Variants in TTC39A observed in about 807,000 individuals in gnomAD.
TTC39A encodes tetratricopeptide repeat protein 39A.
A neutral mutation model predicts 82.3 loss-of-function variants in TTC39A; 46 were observed. The ratio of observed to expected loss-of-function variants is 0.56; its 90% CI spans 0.44 to 0.71. The LOEUF is 0.71. Ranked by LOEUF, TTC39A falls within the 30% of genes least tolerant of loss-of-function variation. The pLI is 0.00. For missense variants in TTC39A, 543 were observed against 712.9 expected, an observed-to-expected ratio of 0.76 and a Z score of 2.71; for synonymous variants, 254 against 275.2, an observed-to-expected ratio of 0.92 and a Z score of 0.76.
At chr1:51,309,884 C>T (rs565576003) in intron 5 of TTC39A, among the ~76,000 whole-genome samples, 1 of 152,212 alleles carries the variant, frequency 6.6e-6, no homozygotes, top group African/African-American at 2.4e-5. Context: ...GTGAAGAAAG[C>T]AAGCAACATA....
chr1:51,322,784 C>T lies in TTC39A; in HGVS notation c.42-959G>A, dbSNP rs113233660. Among the ~76,000 whole-genome samples, 743 of 152,304 alleles carry T rather than the reference C, an allele frequency of 4.9e-3. 5 individuals carry two copies. Among genetic ancestry groups the T allele is most frequent in the African/African-American group, 0.016 (683 of 41,554 alleles). ...AGTGAAAGAATGTTCCAGAAAGAGG[C>T]TTGATACTCTCCCTGAAGGGAAATC... is the stretch of plus-strand genomic sequence containing the variant. On this transcript the variant is annotated intron_variant, in intron 1 of 17. Coordinates refer to ENST00000680483, the MANE Select transcript of TTC39A (RefSeq NM_001297663.2).
At chr1:51,331,408 T>C (rs1645908829), upstream of TTC39A, 1 of 1,454,834 alleles carries the variant, frequency 6.9e-7, no homozygotes, top group Non-Finnish European at 9.0e-7. Flanking sequence ...GATGCTGCTC[T>C]TAACCATGAC....
At chr1:51,314,763 A>G (rs186008786) in intron 2 of TTC39A, among the ~76,000 whole-genome samples, 21 of 152,314 alleles carry the variant, frequency 1.4e-4, no homozygotes, top group Admixed American at 1.4e-3. Flanking sequence ...CAGCTTTGCC[A>G]GCTACCAGCT....
intron 11 of TTC39A, chr1:51,301,968 G>A (rs1472936012): frequency 1.5e-6 from 1 of 652,034 alleles, no homozygotes; most frequent in African/African-American, 1.8e-5. Context: ...TAGGACTCTG[G>A]TTTTTAGTAA....
At chr1:51,340,241 G>A (rs1468453806) in intron 1 of TTC39A, among the ~76,000 whole-genome samples, 5 of 152,144 alleles carry the variant, frequency 3.3e-5, no homozygotes, top group Admixed American at 6.5e-5. Context: ...GTGCCTCAGC[G>A]ACCATTCCCC....
chr1:51,323,163 T>C (rs1645593234), intron 1 of TTC39A, among the ~76,000 whole-genome samples: 1 of 152,000 alleles, frequency 6.6e-6, no homozygotes, highest in Non-Finnish European at 1.5e-5. Flanking sequence ...GCAACACTCC[T>C]CTACCCAATT....
upstream of TTC39A, among the ~76,000 whole-genome samples, chr1:51,334,418 G>T (rs144484350): frequency 4.5e-3 from 682 of 152,160 alleles, 10 homozygotes; most frequent in African/African-American, 0.016. Flanking sequence ...CAGAAGAATC[G>T]CTTGAACCCG....
intron 6 of TTC39A, among the ~76,000 whole-genome samples, chr1:51,306,853 A>ACCCCCCCCCCCC (rs3068549): frequency 2.3e-3 from 137 of 60,174 alleles, no homozygotes; most frequent in Middle Eastern, 7.5e-3. Context: ...TAAGGGACAG[A>ACCCCCCCCCCCC]CCCCCCCCCC....
chr1:51,304,848 C>A (rs1272279630), intron 8 of TTC39A, among the ~76,000 whole-genome samples: 1 of 152,230 alleles, frequency 6.6e-6, no homozygotes, highest in Non-Finnish European at 1.5e-5. Context: ...TTCACACCCA[C>A]ACCCACCCAG....
chr1:51,312,734 T>A (rs1185361917), intron 3 of TTC39A, 78 bp downstream of exon 3: 5 of 1,559,142 alleles, frequency 3.2e-6, no homozygotes, highest in Non-Finnish European at 3.5e-6. Context: ...AATAGTGGCA[T>A]GTTAGGCCCT....
At chr1:51,303,382 A>G (rs1644752501) in intron 8 of TTC39A, among the ~76,000 whole-genome samples, 190 bp from the exon 9 acceptor site, 1 of 152,174 alleles carries the variant, frequency 6.6e-6, no homozygotes, top group African/African-American at 2.4e-5. Context: ...GGAGAAGGGG[A>G]CACGGCTGCC....
At chr1:51,311,407 A>G (rs1645077982) in intron 4 of TTC39A, 86 bp from the exon 5 acceptor site, 2 of 1,273,338 alleles carry the variant, frequency 1.6e-6, no homozygotes, top group Non-Finnish European at 2.2e-6. Flanking sequence ...AACTTCCCCA[A>G]AAGCAAAGGG....
At chr1:51,341,192 G>T (rs1406206296) in intron 1 of TTC39A, among the ~76,000 whole-genome samples, 2 of 88,924 alleles carry the variant, frequency 2.2e-5, no homozygotes, top group South Asian at 7.0e-4. Context: ...CCCACCCCCC[G>T]CCCACACACA....
In TTC39A at chr1:51,326,128, TGACA is replaced by T. The variant is rs1237520415; in HGVS notation, c.41+4305_42-4304del. Among the ~76,000 whole-genome samples the T allele has an allele frequency of 2.0e-5, 3 of 152,072 alleles. No individual in the cohort carries two copies. The East Asian group carries it at 5.8e-4, about 29-fold the overall frequency. ...TCTTCAGGAGCTCACAGCCTACAGG[TGACA>T]GATGCAGACAGGGCAGTGACCGCTA... On this transcript the variant is annotated intron_variant, in intron 1 of 17. Coordinates refer to ENST00000680483, the MANE Select transcript of TTC39A (RefSeq NM_001297663.2).
At chr1:51,337,047 C>T (rs115847601) in intron 1 of TTC39A, among the ~76,000 whole-genome samples, 4,835 of 152,206 alleles carry the variant, frequency 0.032, 128 homozygotes, top group Non-Finnish European at 0.051. Context: ...AGTCTGCTAC[C>T]GTCTATTATC....
chr1:51,319,899 C>A (rs980561691), intron 2 of TTC39A, among the ~76,000 whole-genome samples: 6 of 151,892 alleles, frequency 4.0e-5, no homozygotes, highest in Non-Finnish European at 5.9e-5. Context: ...CCACGTTGGC[C>A]GGCTGGTCTT....
intron 14 of TTC39A, among the ~76,000 whole-genome samples, chr1:51,291,394 G>A (rs1644210661): frequency 6.6e-6 from 1 of 151,900 alleles, no homozygotes; most frequent in Admixed American, 6.6e-5. Flanking sequence ...GGGAGGCTGA[G>A]ACAGGAGAAT....
chr1:51,322,178 C>A (rs572032109), intron 1 of TTC39A: 6 of 1,540,718 alleles, frequency 3.9e-6, no homozygotes, highest in Middle Eastern at 1.7e-4. Flanking sequence ...CTGCTGCCCC[C>A]CCAGGGGGTG....
rs1644704611 is a variant in TTC39A, at chr1:51,302,367, T to C, written c.881A>G (p.Asn294Ser). ...ACCCCCATCACTCACTGCATCAATG[T>C]TGCCTTTAATGACTTCAATCCTCCC... ...FAGRIEVIKG[N>S]IDAAIRRFEE... The change falls in exon 11 of 18, where the codon AAC becomes AGC. Residue 294 changes from asparagine to serine, a missense_variant. Coordinates refer to ENST00000680483, the MANE Select transcript of TTC39A (RefSeq NM_001297663.2). 3 of 1,605,276 alleles carry C rather than the reference T, an allele frequency of 1.9e-6. No homozygotes were observed. Among genetic ancestry groups the C allele is most frequent in the Non-Finnish European group, 2.6e-6 (3 of 1,176,108 alleles).
Sources: allele counts gnomAD v4.1 joint callset (sites outside exome capture counted in the v4.1 genomes callset), GRCh38; gene constraint gnomAD v4.1.1; transcripts MANE v1.5; gene names NCBI Gene and HGNC (gene_info 2026-07-23, HGNC 2026-07-21).